The following PCGF5 variants were observed in gnomAD, a reference collection of about 807,000 sequenced individuals.
PCGF5 encodes polycomb group RING finger protein 5.
In PCGF5, 9 loss-of-function variants were observed where a neutral mutation model predicts 44.3. The ratio of observed to expected loss-of-function variants is 0.20; its 90% CI spans 0.12 to 0.35. PCGF5 has a LOEUF of 0.35. Ranked by LOEUF, PCGF5 falls within the 10% of genes least tolerant of loss-of-function variation. The pLI, the probability that PCGF5 is intolerant of heterozygous loss-of-function variation, is 1.00. For synonymous variants in PCGF5, 95 were observed against 102.5 expected, an observed-to-expected ratio of 0.93 and a Z score of 0.44; for missense variants, 146 against 305.3, an observed-to-expected ratio of 0.48 and a Z score of 3.89.
intron 1 of PCGF5, among the ~76,000 whole-genome samples, chr10:91,176,293 T>C (rs565271398): frequency 9.8e-5 from 15 of 152,358 alleles, no homozygotes; most frequent in African/African-American, 3.4e-4. Flanking sequence ...GTTAGTCTGA[T>C]GGGCTTCCCT....
At chr10:91,260,538 T>C (rs1005254130) in intron 6 of PCGF5, among the ~76,000 whole-genome samples, 1 of 152,018 alleles carries the variant, frequency 6.6e-6, no homozygotes, top group Non-Finnish European at 1.5e-5. Context: ...CTATTCACAA[T>C]AGCAAAGACT....
chr10:91,251,581 C>CA (rs1845625046), intron 6 of PCGF5, 141 bp downstream of exon 6: 1 of 834,042 alleles, frequency 1.2e-6, no homozygotes. Flanking sequence ...CATTCTTTGA[C>CA]AATCCTATGC....
chr10:91,195,003 A>G (rs1189063907), intron 1 of PCGF5, among the ~76,000 whole-genome samples: 1 of 151,984 alleles, frequency 6.6e-6, no homozygotes, highest in African/African-American at 2.4e-5. Flanking sequence ...GGGGGAGTAG[A>G]TGTGGTGAGA....
chr10:91,261,208 A>G (rs1337197572), intron 6 of PCGF5, 118 bp from the exon 7 acceptor site: 4 of 1,234,480 alleles, frequency 3.2e-6, no homozygotes, highest in Non-Finnish European at 4.2e-6. Context: ...ATGTTTTCAC[A>G]ATACATTTTA....
chr10:91,200,842 A>G (rs1053824464), intron 1 of PCGF5, among the ~76,000 whole-genome samples: 7 of 152,176 alleles, frequency 4.6e-5, no homozygotes, highest in South Asian at 4.1e-4. Context: ...AGAGCATTCA[A>G]TGAAGTAATT....
intron 1 of PCGF5, among the ~76,000 whole-genome samples, chr10:91,196,906 G>T (rs1310980988): frequency 1.2e-4 from 18 of 152,066 alleles, no homozygotes; most frequent in Admixed American, 1.2e-3. Flanking sequence ...TTCACTGGTG[G>T]ACGAGATATA....
intron 1 of PCGF5, among the ~76,000 whole-genome samples, chr10:91,209,210 A>G (rs1023126167): frequency 6.6e-6 from 1 of 152,174 alleles, no homozygotes; most frequent in African/African-American, 2.4e-5. Context: ...TTACCTGACT[A>G]ATATTTTCCC....
chr10:91,233,182 G>A (rs1284762172), intron 2 of PCGF5, among the ~76,000 whole-genome samples: 1 of 152,092 alleles, frequency 6.6e-6, no homozygotes. Context: ...CGGGGAATGG[G>A]GCCATCCCAG....
chr10:91,184,274 C>G (rs906894894), intron 1 of PCGF5, among the ~76,000 whole-genome samples: 2 of 151,910 alleles, frequency 1.3e-5, no homozygotes, highest in Non-Finnish European at 2.9e-5. Context: ...TTCTTTTTTT[C>G]TCTATTCTTC....
At chr10:91,165,156 T>C (rs1843477439) in intron 1 of PCGF5, among the ~76,000 whole-genome samples, 1 of 152,238 alleles carries the variant, frequency 6.6e-6, no homozygotes. Context: ...CCTGGTTTTC[T>C]TTTGATTCAT....
intron 1 of PCGF5, among the ~76,000 whole-genome samples, chr10:91,188,223 C>G (rs558984231): frequency 6.6e-6 from 1 of 152,172 alleles, no homozygotes. Flanking sequence ...GTGGGTGCAG[C>G]GCACCATGCG....
chr10:91,204,897 G>A (rs971895699), intron 1 of PCGF5, among the ~76,000 whole-genome samples: 1 of 152,216 alleles, frequency 6.6e-6, no homozygotes, highest in Admixed American at 6.5e-5. Context: ...TGATGTTCAA[G>A]TTTTAACTTC....
chr10:91,240,578 G>A lies in PCGF5; in HGVS notation c.207G>A (p.Leu69=). ...ATGAGACAAATCCATTAGAAATGTT[G>A]AGGTAAGGATGTTATATTTTACAGT... ...QVHETNPLEM[L]RLDNTLEEII... is the part of the protein sequence containing the mutation. The change falls in exon 3 of 10, where the codon TTG becomes TTA. Residue 69 remains leucine (L), a splice_region_variant and synonymous_variant. Transcript: ENST00000336126. 1 of 1,597,892 alleles carries A rather than the reference G, an allele frequency of 6.3e-7. No homozygotes were observed. Among genetic ancestry groups the A allele is most frequent in the Non-Finnish European group, 8.6e-7 (1 of 1,167,072 alleles).
chr10:91,281,398 G>A lies in PCGF5; in HGVS notation c.*3082G>A, dbSNP rs1182203899. 1.3e-5 allele frequency: 2 copies of A among 152,488 alleles called. No homozygotes were observed. Among genetic ancestry groups the A allele is most frequent in the Non-Finnish European group, 2.9e-5 (2 of 67,958 alleles). 9.4% of individuals were successfully genotyped at this position (152,488 alleles called of 1,614,324 possible). On this transcript the variant is annotated 3_prime_UTR_variant, in exon 10 of 10. Coordinates refer to ENST00000336126, the MANE Select transcript of PCGF5 (RefSeq NM_032373.5). ...CTGATTATTTAAGGAAAAAAAGTGT[G>A]TTATATAATATTGTGAACTGTTTAG...
chr10:91,195,445 TATATATGCATATATATATATGCATGC>T (rs531164220), intron 1 of PCGF5, among the ~76,000 whole-genome samples: 1,586 of 129,820 alleles, frequency 0.012, 7 homozygotes, highest in Middle Eastern at 0.031. Context: ...ATCATATGTA[TATATATGCATATATATATATGCATGC>T]ATATATATAT....
chr10:91,231,453 A>G (rs1436123005), intron 2 of PCGF5, among the ~76,000 whole-genome samples: 1 of 152,178 alleles, frequency 6.6e-6, no homozygotes, highest in East Asian at 1.9e-4. Flanking sequence ...AAGACCAGGT[A>G]AAGGAGTTAG....
intron 1 of PCGF5, among the ~76,000 whole-genome samples, chr10:91,183,747 T>A (rs566315879): frequency 2.0e-5 from 3 of 152,326 alleles, no homozygotes; most frequent in African/African-American, 7.2e-5. Context: ...AGGAGTCTTG[T>A]AAGGCAGGTC....
intron 1 of PCGF5, among the ~76,000 whole-genome samples, chr10:91,201,518 T>A (rs1448442097): frequency 6.6e-6 from 1 of 152,072 alleles, no homozygotes; most frequent in Non-Finnish European, 1.5e-5. Context: ...GGAAGCCCAA[T>A]GTGTAAAAAA....
At position 91,240,595 on chromosome 10, in the gene PCGF5, T is replaced by C. The variant is rs762472826; in HGVS notation, c.209+15T>C. 5.2e-6 allele frequency: 8 copies of C among 1,533,934 alleles called. No homozygotes were observed. The highest frequency in any genetic ancestry group is 7.2e-6 in the Non-Finnish European group (8 of 1,115,090). On this transcript the variant is annotated intron_variant, in intron 3 of 9. Transcript: ENST00000336126. ...GAAATGTTGAGGTAAGGATGTTATA[T>C]TTTACAGTTCATCTAATTTACATAA... is the stretch of plus-strand genomic sequence containing the variant.
Sources: allele counts gnomAD v4.1 joint callset (sites outside exome capture counted in the v4.1 genomes callset), GRCh38; gene constraint gnomAD v4.1.1; transcripts MANE v1.5; gene names NCBI Gene and HGNC (gene_info 2026-07-23, HGNC 2026-07-21).